Variants in EPHA6 observed in about 807,000 individuals in gnomAD.
EPHA6 encodes the protein EPH receptor A6.
In EPHA6, 50 loss-of-function variants were observed where a neutral mutation model predicts 112.0. The ratio of observed to expected loss-of-function variants is 0.45; its 90% confidence interval spans 0.36 to 0.56. The LOEUF (loss-of-function observed/expected upper bound fraction) is 0.56. Among genes scored for constraint, EPHA6 ranks in the 20% least tolerant of loss-of-function variants. The pLI is 0.00. For missense variants in EPHA6, 1,280 were observed against 1,417.4 expected, an observed-to-expected ratio of 0.90 and a Z score of 1.56; for synonymous variants, 529 against 490.7, an observed-to-expected ratio of 1.08 and a Z score of -1.03.
chr3:97,421,758 C>T (rs1219060602), intron 6 of EPHA6, among the ~76,000 whole-genome samples: 1 of 152,106 alleles, frequency 6.6e-6, no homozygotes, highest in African/African-American at 2.4e-5. Context: ...CATTGTTGCA[C>T]AATGAGACAG....
chr3:96,987,767 T>C lies in EPHA6; in HGVS notation c.888T>C (p.Val296=). The part of the protein sequence containing the change: ...GACIALVSVR[V]FYKKCPFTVR... ...GCATTGCCCTGGTTTCAGTCCGTGTTTTCTACAAGAAATGCCCCTTCACTG... is the reference window on the plus strand; with the variant it reads ...GCATTGCCCTGGTTTCAGTCCGTGTCTTCTACAAGAAATGCCCCTTCACTG... The change falls in exon 3 of 18, where the codon GTT becomes GTC. Residue 296 remains valine, a synonymous_variant. Coordinates refer to ENST00000389672, the MANE Select transcript of EPHA6 (RefSeq NM_001080448.3). 1 of 1,613,980 alleles carries C rather than the reference T, an allele frequency of 6.2e-7. No homozygotes were observed. Among genetic ancestry groups the C allele is most frequent in the South Asian group, 1.1e-5 (1 of 91,068 alleles).
chr3:96,956,445 G>C (rs1484024865), intron 2 of EPHA6, among the ~76,000 whole-genome samples: 4 of 152,136 alleles, frequency 2.6e-5, no homozygotes, highest in Admixed American at 2.0e-4. Context: ...ACAACTGTCA[G>C]GTTTTTGAGC....
chr3:97,697,252 A>C (rs976416428), intron 14 of EPHA6, among the ~76,000 whole-genome samples: 1 of 152,188 alleles, frequency 6.6e-6, no homozygotes, highest in African/African-American at 2.4e-5. Flanking sequence ...CCAGTGTATT[A>C]GTTTCATTGT....
At chr3:97,034,406 A>G (rs1274171995) in intron 3 of EPHA6, among the ~76,000 whole-genome samples, 1 of 151,908 alleles carries the variant, frequency 6.6e-6, no homozygotes, top group Admixed American at 6.6e-5. Flanking sequence ...CATGATCACA[A>G]TCTCAATATT....
chr3:97,713,757 A>G (rs1182557369), intron 14 of EPHA6, among the ~76,000 whole-genome samples: 1 of 152,210 alleles, frequency 6.6e-6, no homozygotes, highest in Non-Finnish European at 1.5e-5. Context: ...ATAGAAACAC[A>G]CAGGAAAAGC....
At chr3:97,721,404 ATTGGATTTTGG>A (rs1036947676) in intron 15 of EPHA6, among the ~76,000 whole-genome samples, 1 of 152,158 alleles carries the variant, frequency 6.6e-6, no homozygotes, top group Non-Finnish European at 1.5e-5. Flanking sequence ...CATAGATAAG[ATTGGATTTTGG>A]TTGGCTGGCC....
chr3:96,836,099 A>G (rs555992862), intron 1 of EPHA6, among the ~76,000 whole-genome samples: 77 of 151,948 alleles, frequency 5.1e-4, no homozygotes, highest in Non-Finnish European at 3.1e-4. Flanking sequence ...GCACTTGACA[A>G]GTAGCTTTCA....
intron 5 of EPHA6, among the ~76,000 whole-genome samples, chr3:97,287,666 G>T (rs528178008): frequency 6.6e-6 from 1 of 152,204 alleles, no homozygotes; most frequent in Non-Finnish European, 1.5e-5. Flanking sequence ...CTATTGTGAT[G>T]ATCATGTTAT....
At chr3:97,598,922 C>A (rs2093618756) in intron 12 of EPHA6, among the ~76,000 whole-genome samples, 1 of 149,978 alleles carries the variant, frequency 6.7e-6, no homozygotes, top group South Asian at 2.1e-4. Context: ...TCCTCTCCAG[C>A]ACCTGTTGTT....
At chr3:97,552,687 G>A (rs1477228700) in intron 11 of EPHA6, among the ~76,000 whole-genome samples, 1 of 152,096 alleles carries the variant, frequency 6.6e-6, no homozygotes, top group Non-Finnish European at 1.5e-5. Flanking sequence ...TAACCTCAGT[G>A]GTTAGCATTA....
chr3:97,272,299 TGTGTGTGTGTGTG>T (rs2079910382), intron 5 of EPHA6, among the ~76,000 whole-genome samples: 2 of 1,384 alleles, frequency 1.4e-3, no homozygotes, highest in African/African-American at 1.5e-3. Flanking sequence ...TTCCATTTCG[TGTGTGTGTGTGTG>T]TGTGTGTGTG....
At chr3:97,109,084 T>C (rs2047646455) in intron 3 of EPHA6, among the ~76,000 whole-genome samples, 1 of 152,182 alleles carries the variant, frequency 6.6e-6, no homozygotes. Flanking sequence ...TCTTGCCAAG[T>C]TTTTCCTATT....
At chr3:96,860,183 T>G (rs369143667) in intron 1 of EPHA6, among the ~76,000 whole-genome samples, 2 of 152,124 alleles carry the variant, frequency 1.3e-5, no homozygotes, top group South Asian at 2.1e-4. Context: ...AGGTCCTAGT[T>G]AGGGAAGTTA....
Position 97,207,180 on chromosome 3 carries a change from A to T in EPHA6, c.1115-19084A>T, listed in dbSNP as rs562266751. On this transcript the variant is annotated intron_variant, in intron 3 of 17. Coordinates refer to ENST00000389672, the MANE Select transcript of EPHA6 (RefSeq NM_001080448.3). ...CTTTTGCAAGTGCTCTTTCAAAAAA[A>T]GCTGTATCAGAATATAATGTAGCAA... is the stretch of plus-strand genomic sequence containing the variant. Among the ~76,000 whole-genome samples, 4 of 152,292 alleles carry T rather than the reference A, an allele frequency of 2.6e-5. No individual in the cohort carries two copies. The South Asian group carries it at 6.2e-4, about 24-fold the overall frequency.
At chr3:97,029,563 C>A (rs896444882) in intron 3 of EPHA6, among the ~76,000 whole-genome samples, 3 of 151,866 alleles carry the variant, frequency 2.0e-5, no homozygotes, top group Non-Finnish European at 2.9e-5. Context: ...TGACAGAAAG[C>A]AGACCAGTAG....
At chr3:97,693,505 A>G (rs1362953078) in intron 14 of EPHA6, among the ~76,000 whole-genome samples, 1 of 152,180 alleles carries the variant, frequency 6.6e-6, no homozygotes, top group African/African-American at 2.4e-5. Context: ...TGAACCTTGT[A>G]TGTTTCACTA....
chr3:97,095,411 T>G (rs559490359), intron 3 of EPHA6, among the ~76,000 whole-genome samples: 54 of 152,058 alleles, frequency 3.6e-4, no homozygotes, highest in Admixed American at 7.2e-4. Context: ...TGTAACAAAC[T>G]GCACCTTGTG....
intron 14 of EPHA6, among the ~76,000 whole-genome samples, chr3:97,686,697 C>A (rs540286660): frequency 6.6e-6 from 1 of 152,294 alleles, no homozygotes; most frequent in Admixed American, 6.5e-5. Flanking sequence ...GGCTTTTGTG[C>A]CCACATTTGT....
chr3:96,826,749 T>C (rs893534400), intron 1 of EPHA6, among the ~76,000 whole-genome samples: 1 of 152,148 alleles, frequency 6.6e-6, no homozygotes, highest in Non-Finnish European at 1.5e-5. Context: ...TTGTGTTTAT[T>C]ACAGTTTCAA....
Sources: gnomAD v4.1 joint callset for allele counts (sites outside exome capture counted in the v4.1 genomes callset) on GRCh38, gnomAD v4.1.1 for gene constraint, MANE v1.5 for transcripts, NCBI Gene and HGNC (gene_info 2026-07-23, HGNC 2026-07-21) for gene names.